The following GRIN2A variants were observed in gnomAD, a reference collection of about 807,000 sequenced individuals.
GRIN2A encodes the protein glutamate receptor ionotropic, NMDA 2A.
GRIN2A carries 22 observed loss-of-function variants against 113.4 expected under a neutral mutation model. That is an observed-to-expected ratio of 0.19 (90% CI 0.14 to 0.28). The LOEUF (loss-of-function observed/expected upper bound fraction) is 0.28. GRIN2A is among the 10% of genes least tolerant of loss of function. The pLI is 1.00. For missense variants in GRIN2A, 1,502 were observed against 1,887.0 expected, an observed-to-expected ratio of 0.80 and a Z score of 3.78; for synonymous variants, 827 against 738.4, an observed-to-expected ratio of 1.12 and a Z score of -1.94.
chr16:10,094,761 T>C (rs1259572479), intron 2 of GRIN2A, among the ~76,000 whole-genome samples: 3 of 152,004 alleles, frequency 2.0e-5, no homozygotes, highest in African/African-American at 7.2e-5. Flanking sequence ...AGAAAGCATT[T>C]TTTAAAAGAG....
At chr16:10,041,662 G>C (rs182624968) in intron 2 of GRIN2A, among the ~76,000 whole-genome samples, 5 of 152,300 alleles carry the variant, frequency 3.3e-5, no homozygotes, top group African/African-American at 1.2e-4. Flanking sequence ...TGCAATAAGA[G>C]TTAAAGATAA....
intron 2 of GRIN2A, among the ~76,000 whole-genome samples, chr16:10,022,289 A>G (rs2141899658): frequency 6.6e-6 from 1 of 152,160 alleles, no homozygotes. Flanking sequence ...AGAGTCACAC[A>G]CATGCATATG....
intron 11 of GRIN2A, among the ~76,000 whole-genome samples, chr16:9,789,247 A>C (rs1054891740): frequency 1.3e-5 from 2 of 152,230 alleles, no homozygotes; most frequent in Admixed American, 6.5e-5. Context: ...GGGTTTTGAT[A>C]AATGCTAAGG....
intron 2 of GRIN2A, among the ~76,000 whole-genome samples, chr16:10,146,212 G>A (rs960646744): frequency 6.6e-6 from 1 of 152,118 alleles, no homozygotes; most frequent in Non-Finnish European, 1.5e-5. Context: ...CCACCTCCCG[G>A]GTTCAAGCAA....
intron 2 of GRIN2A, among the ~76,000 whole-genome samples, chr16:10,039,178 C>G (rs12448822): frequency 0.22 from 32,774 of 151,790 alleles, 4,226 homozygotes; most frequent in East Asian, 0.52. Flanking sequence ...AGATGATAGA[C>G]AGTGAGTGGA....
rs1388564452 is a variant in GRIN2A at position 9,843,602 on chromosome 16, C to T, written c.1329-2498G>A. ...ACTGCCTGTCTTGAATCACTCTCTTCACCATTGTATCCCACCCCCACATCC... is the reference window on the plus strand; with the variant it reads ...ACTGCCTGTCTTGAATCACTCTCTTTACCATTGTATCCCACCCCCACATCC... On this transcript the variant is annotated intron_variant, in intron 5 of 12. Coordinates refer to ENST00000330684, the MANE Select transcript of GRIN2A (RefSeq NM_001134407.3). Among the ~76,000 whole-genome samples, 2 of 152,224 alleles carry T rather than the reference C, an allele frequency of 1.3e-5. 1 individual carries two copies. The highest frequency in any genetic ancestry group is 2.9e-5 in the Non-Finnish European group (2 of 68,028).
chr16:9,831,322 C>T (rs1428225454), intron 8 of GRIN2A, among the ~76,000 whole-genome samples: 9 of 152,172 alleles, frequency 5.9e-5, no homozygotes, highest in East Asian at 1.9e-4. Flanking sequence ...TCTGTATTTT[C>T]GTTGTTCTTG....
intron 2 of GRIN2A, among the ~76,000 whole-genome samples, chr16:9,997,430 T>C (rs956258294): frequency 1.3e-5 from 2 of 152,246 alleles, no homozygotes; most frequent in Non-Finnish European, 2.9e-5. Flanking sequence ...GATCTCCTTC[T>C]GTTTTTCCTT....
chr16:9,828,358 C>T (rs959212733), intron 9 of GRIN2A, among the ~76,000 whole-genome samples: 1 of 152,170 alleles, frequency 6.6e-6, no homozygotes, highest in Non-Finnish European at 1.5e-5. Context: ...TTAACCCCAA[C>T]CCCTCATCAG....
chr16:9,779,638 G>A (rs897335831), intron 11 of GRIN2A, among the ~76,000 whole-genome samples: 11 of 152,206 alleles, frequency 7.2e-5, no homozygotes, highest in Admixed American at 2.6e-4. Flanking sequence ...AGAACCATCC[G>A]TAACTAAAGC....
At chr16:9,925,421 G>C (rs1359837828) in intron 3 of GRIN2A, among the ~76,000 whole-genome samples, 1 of 152,172 alleles carries the variant, frequency 6.6e-6, no homozygotes, top group Non-Finnish European at 1.5e-5. Context: ...ATGTTGAGCA[G>C]TATTCAGCTC....
intron 2 of GRIN2A, among the ~76,000 whole-genome samples, chr16:9,978,999 C>T (rs1204303237): frequency 1.3e-5 from 2 of 152,186 alleles, no homozygotes; most frequent in Non-Finnish European, 2.9e-5. Flanking sequence ...GAAATCCTGA[C>T]GTTGATTTCA....
intron 2 of GRIN2A, among the ~76,000 whole-genome samples, chr16:10,043,143 C>T (rs75541726): frequency 0.015 from 2,279 of 152,312 alleles, 33 homozygotes; most frequent in South Asian, 0.061. Context: ...GTATCTTAGA[C>T]ACTTTTTACA....
intron 2 of GRIN2A, among the ~76,000 whole-genome samples, chr16:9,986,508 T>C (rs1280247149): frequency 6.6e-6 from 1 of 152,162 alleles, no homozygotes; most frequent in Non-Finnish European, 1.5e-5. Context: ...CTCACACCTG[T>C]AATCCCAGCA....
intron 2 of GRIN2A, among the ~76,000 whole-genome samples, chr16:9,963,389 C>G (rs2045481632): frequency 6.6e-6 from 1 of 151,966 alleles, no homozygotes; most frequent in South Asian, 2.1e-4. Flanking sequence ...ATATTTTAAG[C>G]CCCGCATGCA....
chr16:9,817,607 G>A (rs2042208924), intron 10 of GRIN2A, among the ~76,000 whole-genome samples: 1 of 152,232 alleles, frequency 6.6e-6, no homozygotes, highest in Non-Finnish European at 1.5e-5. Context: ...CTTCTTAGAT[G>A]GGGAAACTAG....
At chr16:10,160,588 C>A (rs866651463) in intron 2 of GRIN2A, among the ~76,000 whole-genome samples, 2 of 152,218 alleles carry the variant, frequency 1.3e-5, no homozygotes, top group South Asian at 2.1e-4. Context: ...CTTTTTCATA[C>A]AACTGCTTGG....
At chr16:9,906,456 A>G (rs1188178238) in intron 3 of GRIN2A, among the ~76,000 whole-genome samples, 1 of 152,026 alleles carries the variant, frequency 6.6e-6, no homozygotes, top group Non-Finnish European at 1.5e-5. Context: ...ATCTTCCCCC[A>G]CGAACCCTGG....
intron 2 of GRIN2A, among the ~76,000 whole-genome samples, chr16:10,128,144 T>C (rs1899149612): frequency 6.6e-6 from 1 of 152,174 alleles, no homozygotes; most frequent in Non-Finnish European, 1.5e-5. Flanking sequence ...CTGTCCATGA[T>C]TCCGTAGGAA....
Sources: allele counts gnomAD v4.1 joint callset (sites outside exome capture counted in the v4.1 genomes callset), GRCh38; gene constraint gnomAD v4.1.1; transcripts MANE v1.5; gene names NCBI Gene and HGNC (gene_info 2026-07-23, HGNC 2026-07-21).